Variants in NCAM1 observed in about 807,000 individuals in gnomAD.
NCAM1 encodes neural cell adhesion molecule 1, also known as antigen recognized by monoclonal antibody 5.1H11.
In NCAM1, 14 loss-of-function variants were observed where a neutral mutation model predicts 109.8. That is an observed-to-expected ratio of 0.13 (90% CI 0.08 to 0.20). The LOEUF is 0.20. Among genes scored for constraint, NCAM1 ranks in the 10% least tolerant of loss-of-function variants. NCAM1 has a pLI of 1.00. For missense variants in NCAM1, 774 were observed against 1,109.9 expected, an observed-to-expected ratio of 0.70 and a Z score of 4.30; for synonymous variants, 418 against 442.9, an observed-to-expected ratio of 0.94 and a Z score of 0.70.
chr11:113,043,582 CG>C (rs1290044478), intron 1 of NCAM1, among the ~76,000 whole-genome samples: 1 of 152,138 alleles, frequency 6.6e-6, no homozygotes, highest in East Asian at 1.9e-4. Context: ...GTGATCTGCC[CG>C]TCTCGGCCTC....
intron 1 of NCAM1, among the ~76,000 whole-genome samples, chr11:112,966,844 A>G (rs1555065532): frequency 6.6e-6 from 1 of 152,152 alleles, no homozygotes; most frequent in Middle Eastern, 3.2e-3. Flanking sequence ...GAGTTAACGG[A>G]TTTTCAGTTG....
rs781839772 is a variant in NCAM1, at chr11:113,235,006, T to A, written c.1694-27T>A. The A allele has an allele frequency of 5.2e-6, 8 of 1,537,150 alleles. No homozygotes were observed. The East Asian group carries it at 2.0e-4, about 38-fold the overall frequency. On this transcript the variant is annotated intron_variant, in intron 13 of 19. Transcript: ENST00000316851. ...CTGCACCATTTTAACAATAGACTCT[T>A]TTGTCATCCTTCCCATATTATAACA...
rs118107176 is a variant in NCAM1 at position 113,270,707 on chromosome 11, A to C, written c.2339+312A>C. Among the ~76,000 whole-genome samples the C allele has an allele frequency of 0.015, 2,313 of 152,230 alleles. 36 individuals are homozygous for C. Among genetic ancestry groups the C allele is most frequent in the Non-Finnish European group, 0.021 (1,442 of 68,022 alleles). On this transcript the variant is annotated intron_variant, in intron 18 of 19. Coordinates refer to ENST00000316851, the MANE Select transcript of NCAM1 (RefSeq NM_181351.5). ...GAACTAAACCTGGGGAGGAGCTGCC[A>C]TGGGGTAGGGCAGCATTAGAGGGAC... is the stretch of plus-strand genomic sequence containing the variant.
At chr11:113,236,210 T>G in intron 14 of NCAM1, 1 of 1,343,056 alleles carries the variant, frequency 7.4e-7, no homozygotes, top group Non-Finnish European at 1.1e-6. Flanking sequence ...CTCTGCGGAT[T>G]CTATTCATTT....
chr11:113,054,871 GA>G (rs2135431310), intron 1 of NCAM1, among the ~76,000 whole-genome samples: 1 of 152,298 alleles, frequency 6.6e-6, no homozygotes, highest in African/African-American at 2.4e-5. Flanking sequence ...AGCATTTATA[GA>G]GAGGATTGAA....
chr11:113,122,122 A>G (rs1940987365), intron 1 of NCAM1, among the ~76,000 whole-genome samples: 1 of 152,222 alleles, frequency 6.6e-6, no homozygotes, highest in Non-Finnish European at 1.5e-5. Flanking sequence ...GCCTGGTGTC[A>G]TCAGCTTGCC....
At chr11:113,089,791 C>T (rs1447070863) in intron 1 of NCAM1, among the ~76,000 whole-genome samples, 2 of 152,160 alleles carry the variant, frequency 1.3e-5, no homozygotes, top group Admixed American at 6.6e-5. Flanking sequence ...TAATGCTAAT[C>T]ATAACATGAA....
rs1242691340 is a variant in NCAM1 at position 113,035,851 on chromosome 11, G to A, written c.52+74187G>A. On this transcript the variant is annotated intron_variant, in intron 1 of 19. Coordinates refer to ENST00000316851, the MANE Select transcript of NCAM1 (RefSeq NM_181351.5). ...AGACAGAGGCATGTCAGGAAGGAAT[G>A]TAGACCATCTCCACGCCTCCTGGAA... is the stretch of plus-strand genomic sequence containing the variant. Among the ~76,000 whole-genome samples, 6 of 152,280 alleles carry A rather than the reference G, an allele frequency of 3.9e-5. No individual in the cohort carries two copies. The South Asian group carries it at 1.0e-3, about 26-fold the overall frequency.
chr11:113,001,657 T>A (rs1951757604), intron 1 of NCAM1, among the ~76,000 whole-genome samples: 1 of 152,216 alleles, frequency 6.6e-6, no homozygotes, highest in Non-Finnish European at 1.5e-5. Flanking sequence ...TGATACCTAC[T>A]GACTTGTCTC....
chr11:113,115,374 C>T (rs149490988), intron 1 of NCAM1, among the ~76,000 whole-genome samples: 193 of 152,266 alleles, frequency 1.3e-3, no homozygotes, highest in African/African-American at 4.4e-3. Flanking sequence ...AACATAAGCA[C>T]AGAGTTACTA....
intron 1 of NCAM1, among the ~76,000 whole-genome samples, chr11:113,036,888 C>T (rs1296133510): frequency 2.6e-5 from 4 of 152,126 alleles, no homozygotes; most frequent in African/African-American, 9.7e-5. Flanking sequence ...ATCCCTGGCC[C>T]AGTCTTTTTT....
Position 113,273,380 on chromosome 11 carries a change from A to G in NCAM1, c.2456+1504A>G, listed in dbSNP as rs1946332123. On this transcript the variant is annotated intron_variant, in intron 19 of 19. Transcript: ENST00000316851. The surrounding 1 kb of genome is among the most constrained non-coding windows in gnomAD (Gnocchi z 6.0). Reference sequence around the variant, plus strand: ...CACCAGTCCCCACCCCGACTGGGGCAGCCAGTCCTCTAGCAGCAGCGGCTG... The same window carrying G: ...CACCAGTCCCCACCCCGACTGGGGCGGCCAGTCCTCTAGCAGCAGCGGCTG... The G allele has an allele frequency of 9.1e-6, 3 of 329,740 alleles. No homozygotes were observed. The highest frequency in any genetic ancestry group is 7.1e-5 in the South Asian group (3 of 42,472). The allele number at this position is 329,740 out of a possible 1,614,324, so 20.4% of individuals were successfully genotyped here.
chr11:112,972,536 T>TCC (rs1950910055), intron 1 of NCAM1, among the ~76,000 whole-genome samples: 1 of 152,132 alleles, frequency 6.6e-6, no homozygotes, highest in African/African-American at 2.4e-5. Flanking sequence ...ATAGGTATAA[T>TCC]CCCAATCTTG....
chr11:113,238,377 G>A (rs1034776847), intron 14 of NCAM1, among the ~76,000 whole-genome samples: 17 of 152,166 alleles, frequency 1.1e-4, no homozygotes, highest in African/African-American at 3.4e-4. Context: ...TGAACATATG[G>A]GAACATCATA....
At chr11:113,036,221 T>C (rs1192335225) in intron 1 of NCAM1, among the ~76,000 whole-genome samples, 2 of 152,148 alleles carry the variant, frequency 1.3e-5, no homozygotes, top group African/African-American at 4.8e-5. Context: ...CTACCTGACA[T>C]GAGCTGCTTC....
intron 15 of NCAM1, among the ~76,000 whole-genome samples, chr11:113,250,991 G>A (rs1033031070): frequency 2.7e-4 from 41 of 152,214 alleles, no homozygotes; most frequent in African/African-American, 9.1e-4. Context: ...AGTAGAGATG[G>A]GGTTTCACCA....
chr11:113,022,414 C>T (rs1555076406), intron 1 of NCAM1, among the ~76,000 whole-genome samples: 1 of 152,122 alleles, frequency 6.6e-6, no homozygotes, highest in Non-Finnish European at 1.5e-5. Flanking sequence ...ATGGATCATC[C>T]TAAGATATCA....
chr11:113,275,999 G>T lies in NCAM1; in HGVS notation c.*612G>T, dbSNP rs971302120. 1 of 152,606 alleles carries T rather than the reference G, an allele frequency of 6.6e-6. No homozygotes were observed. The highest frequency in any genetic ancestry group is 2.4e-5 in the African/African-American group (1 of 41,444). The allele number at this position is 152,606 out of a possible 1,614,324, so 9.5% of individuals were successfully genotyped here. ...TAGACTCTTATTTTATAGGACGAAT[G>T]CCAAATTGCAGCTTCTGGGGGTAGA... On this transcript the variant is annotated 3_prime_UTR_variant, in exon 20 of 20. Transcript: ENST00000316851.
chr11:112,988,019 T>C (rs559974837), intron 1 of NCAM1, among the ~76,000 whole-genome samples: 2 of 152,192 alleles, frequency 1.3e-5, no homozygotes, highest in African/African-American at 4.8e-5. Context: ...GGCATACGTC[T>C]TGATTTTTTT....
Sources: allele counts gnomAD v4.1 joint callset (sites outside exome capture counted in the v4.1 genomes callset), GRCh38; gene constraint gnomAD v4.1.1; non-coding constraint Gnocchi (gnomAD v3.1); transcripts MANE v1.5; gene names NCBI Gene and HGNC (gene_info 2026-07-23, HGNC 2026-07-21).